Variants in MAML3 observed in about 807,000 individuals in gnomAD.
MAML3 encodes mastermind like transcriptional coactivator 3.
In MAML3, 27 loss-of-function variants were observed where a neutral mutation model predicts 101.9. The ratio of observed to expected loss-of-function variants is 0.27; its 90% CI spans 0.20 to 0.37. The LOEUF (loss-of-function observed/expected upper bound fraction) is 0.37, where lower values mean the gene tolerates loss of function less well. Among genes scored for constraint, MAML3 ranks in the 10% least tolerant of loss-of-function variants. The pLI is 1.00. For synonymous variants in MAML3, 501 were observed against 555.9 expected (o/e 0.90, Z 1.39); for missense variants, 1,316 against 1,444.9 (o/e 0.91, Z 1.45).
At chr4:139,921,795 C>A (rs1733136136) in intron 1 of MAML3, among the ~76,000 whole-genome samples, 1 of 152,198 alleles carries the variant, frequency 6.6e-6, no homozygotes, top group South Asian at 2.1e-4. Context: ...TGGGCTGGCA[C>A]TGCCTTGTTT....
At chr4:140,058,608 TAG>T (rs1491050730) in intron 1 of MAML3, among the ~76,000 whole-genome samples, 9 of 136,876 alleles carry the variant, frequency 6.6e-5, no homozygotes, top group East Asian at 4.9e-4. Context: ...TATATTTTCT[TAG>T]TATTTGTATC....
chr4:139,779,413 A>T (rs546468185), intron 2 of MAML3, among the ~76,000 whole-genome samples: 42 of 152,330 alleles, frequency 2.8e-4, no homozygotes, highest in African/African-American at 8.9e-4. Flanking sequence ...TAATTTAAAA[A>T]TAATTTGTGA....
At chr4:139,798,564 A>G (rs1217076955) in intron 2 of MAML3, among the ~76,000 whole-genome samples, 1 of 152,226 alleles carries the variant, frequency 6.6e-6, no homozygotes, top group East Asian at 1.9e-4. Flanking sequence ...CACAAAGGCC[A>G]TAGCTGTTGC....
At chr4:140,091,532 C>CAACAAAA (rs1560890515) in intron 1 of MAML3, among the ~76,000 whole-genome samples, 2 of 12,082 alleles carry the variant, frequency 1.7e-4, no homozygotes, top group African/African-American at 2.3e-4. Flanking sequence ...AACAAAACAA[C>CAACAAAA]AAAACAAAAA....
chr4:140,103,792 G>A (rs1728289273), intron 1 of MAML3, among the ~76,000 whole-genome samples: 1 of 152,110 alleles, frequency 6.6e-6, no homozygotes, highest in Non-Finnish European at 1.5e-5. Context: ...CAGCTTCCTG[G>A]GCACTGCAAG....
intron 1 of MAML3, among the ~76,000 whole-genome samples, chr4:139,996,194 C>T (rs1219306861): frequency 6.6e-6 from 1 of 152,088 alleles, no homozygotes; most frequent in Admixed American, 6.5e-5. Flanking sequence ...AGACTATTCC[C>T]TGTGCATTTG....
chr4:140,112,043 A>G (rs1680285779), intron 1 of MAML3, among the ~76,000 whole-genome samples: 1 of 152,220 alleles, frequency 6.6e-6, no homozygotes, highest in African/African-American at 2.4e-5. Context: ...TTAACACAGA[A>G]ATAATGCTAT....
chr4:139,907,123 C>T (rs560974390), intron 1 of MAML3, among the ~76,000 whole-genome samples: 1 of 152,296 alleles, frequency 6.6e-6, no homozygotes, highest in South Asian at 2.1e-4. Context: ...TTTAAAAATA[C>T]CCTGAGTGTA....
intron 1 of MAML3, among the ~76,000 whole-genome samples, chr4:140,104,530 T>C (rs1272941181): frequency 1.4e-5 from 2 of 146,066 alleles, no homozygotes; most frequent in African/African-American, 2.6e-5. Flanking sequence ...TGGAGTATAC[T>C]GGCCCAATCT....
intron 2 of MAML3, among the ~76,000 whole-genome samples, chr4:139,832,093 C>CTTTT (rs1337533072): frequency 1.0e-5 from 1 of 98,406 alleles, no homozygotes; most frequent in Non-Finnish European, 2.3e-5. Context: ...ATGCCCAGCC[C>CTTTT]CTTTTTTTTT....
At chr4:139,771,643 G>A (rs1448489320) in intron 2 of MAML3, among the ~76,000 whole-genome samples, 1 of 152,152 alleles carries the variant, frequency 6.6e-6, no homozygotes, top group East Asian at 1.9e-4. Context: ...ATAATTTTCT[G>A]GTTGAGAAAA....
At chr4:139,836,324 C>A (rs1731254982) in intron 2 of MAML3, among the ~76,000 whole-genome samples, 2 of 152,124 alleles carry the variant, frequency 1.3e-5, no homozygotes, top group Non-Finnish European at 1.5e-5. Context: ...CGTCTGCCAG[C>A]TCATCAGTAA....
At chr4:140,116,226 T>G (rs1412214364) in intron 1 of MAML3, among the ~76,000 whole-genome samples, 2 of 152,218 alleles carry the variant, frequency 1.3e-5, no homozygotes, top group Non-Finnish European at 2.9e-5. Flanking sequence ...CCACAAATTA[T>G]TAACATCTGG....
chr4:139,925,576 GTGT>G (rs1447482826), intron 1 of MAML3, among the ~76,000 whole-genome samples: 2 of 152,148 alleles, frequency 1.3e-5, no homozygotes, highest in African/African-American at 2.4e-5. Context: ...AAAAAACAAG[GTGT>G]TGTCCAAAAA....
intron 1 of MAML3, among the ~76,000 whole-genome samples, chr4:139,989,012 T>A (rs931859320): frequency 2.6e-5 from 4 of 152,190 alleles, no homozygotes; most frequent in African/African-American, 9.6e-5. Flanking sequence ...TTCTCTTGAT[T>A]CCTCGCAGAG....
At chr4:139,722,645 G>GA (rs1317994640) in intron 4 of MAML3, among the ~76,000 whole-genome samples, 2 of 152,004 alleles carry the variant, frequency 1.3e-5, no homozygotes, top group East Asian at 3.9e-4. Context: ...CTGTATTTGT[G>GA]AAAAAAATAA....
intron 1 of MAML3, among the ~76,000 whole-genome samples, chr4:140,150,109 C>T (rs562536449): frequency 6.6e-6 from 1 of 151,990 alleles, no homozygotes; most frequent in South Asian, 2.1e-4. Context: ...TTTATTAGTG[C>T]GTAAGTCTAA....
intron 1 of MAML3, chr4:140,127,886 C>T (rs1464434): frequency 0.24 from 36,181 of 152,084 alleles, 4,444 homozygotes; most frequent in African/African-American, 0.31. Flanking sequence ...CCTCCATATA[C>T]ATTTTACTTA....
chr4:140,083,243 T>C (rs1204157299), intron 1 of MAML3, among the ~76,000 whole-genome samples: 2 of 152,230 alleles, frequency 1.3e-5, no homozygotes, highest in Non-Finnish European at 2.9e-5. Context: ...GCTTCATCTT[T>C]GTGGCATCTG....
Sources: allele counts gnomAD v4.1 joint callset (sites outside exome capture counted in the v4.1 genomes callset), GRCh38; gene constraint gnomAD v4.1.1; transcripts MANE v1.5; gene names NCBI Gene and HGNC (gene_info 2026-07-23, HGNC 2026-07-21).